The following ZC3H13 variants were observed in gnomAD, a reference collection of about 807,000 sequenced individuals.
ZC3H13 encodes the protein zinc finger CCCH-type containing 13.
A neutral mutation model predicts 204.1 loss-of-function variants in ZC3H13; 64 were observed. The ratio of observed to expected loss-of-function variants is 0.31; its 90% CI spans 0.26 to 0.39. ZC3H13 has a LOEUF of 0.39. ZC3H13 is among the 10% of genes least tolerant of loss of function. ZC3H13 has a pLI of 1.00. For missense variants in ZC3H13, 1,833 were observed against 2,082.7 expected (o/e 0.88, Z 2.33); for synonymous variants, 667 against 693.7 (o/e 0.96, Z 0.60).
chr13:46,015,606 T>C (rs2041864252), intron 5 of ZC3H13, among the ~76,000 whole-genome samples: 1 of 152,148 alleles, frequency 6.6e-6, no homozygotes, highest in African/African-American at 2.4e-5. Context: ...CTTTTTATGT[T>C]ACTTCATTGG....
rs183757734 is a variant in ZC3H13 at position 46,025,367 on chromosome 13, C to T, written c.340-4810G>A. Reference sequence around the variant, plus strand: ...TATGATCCAGGCTGAAGAGCAGTGACGCAATCATAGCTCACTGTAGTCTTG... The same window carrying T: ...TATGATCCAGGCTGAAGAGCAGTGATGCAATCATAGCTCACTGTAGTCTTG... On this transcript the variant is annotated intron_variant, in intron 4 of 18. Coordinates refer to ENST00000679008, the MANE Select transcript of ZC3H13 (RefSeq NM_001330564.2). 1.2e-3 allele frequency among the ~76,000 whole-genome samples: 183 copies of T among 152,246 alleles called. 1 individual carries two copies. Among genetic ancestry groups the T allele is most frequent in the African/African-American group, 4.0e-3 (168 of 41,546 alleles).
rs1253742403 is a variant in ZC3H13 at position 45,997,242 on chromosome 13, T to C, written c.944+5897A>G. On this transcript the variant is annotated intron_variant, in intron 8 of 18. Coordinates refer to ENST00000679008, the MANE Select transcript of ZC3H13 (RefSeq NM_001330564.2). ...ATTATTCAATTAAAAATTAACCACA[T>C]GATAGAATTTCGTATTAAACTTACA... Among the ~76,000 whole-genome samples, 5 of 152,184 alleles carry C rather than the reference T, an allele frequency of 3.3e-5. No individual in the cohort carries two copies. In the South Asian group the frequency reaches 8.3e-4, roughly 25 times the overall value.
chr13:46,007,164 A>G (rs906209871), intron 7 of ZC3H13, among the ~76,000 whole-genome samples: 1 of 152,058 alleles, frequency 6.6e-6, no homozygotes, highest in East Asian at 1.9e-4. Context: ...GGGTTTACCA[A>G]ACTTTTCTTC....
chr13:46,049,661 A>C (rs2044261181), intron 1 of ZC3H13, among the ~76,000 whole-genome samples: 1 of 152,224 alleles, frequency 6.6e-6, no homozygotes, highest in South Asian at 2.1e-4. Flanking sequence ...TGACAATTAG[A>C]ATTTTCAATC....
chr13:45,964,845 T>C (rs963530108), intron 16 of ZC3H13, among the ~76,000 whole-genome samples: 1 of 152,048 alleles, frequency 6.6e-6, no homozygotes, highest in Non-Finnish European at 1.5e-5. Context: ...ATTTAGAAAA[T>C]TGATAGAGGT....
intron 1 of ZC3H13, among the ~76,000 whole-genome samples, chr13:46,050,206 G>A (rs1449227290): frequency 6.6e-6 from 1 of 151,824 alleles, no homozygotes; most frequent in East Asian, 1.9e-4. Context: ...GTCTTAAATG[G>A]GAACTGCTCC....
intron 7 of ZC3H13, among the ~76,000 whole-genome samples, chr13:46,004,895 GCA>G (rs1278580576): frequency 6.6e-6 from 1 of 151,924 alleles, no homozygotes; most frequent in Non-Finnish European, 1.5e-5. Context: ...CCTCTTTTTG[GCA>G]ATTTAAGTAA....
intron 4 of ZC3H13, among the ~76,000 whole-genome samples, chr13:46,034,408 A>C (rs1286277671): frequency 6.6e-6 from 1 of 152,218 alleles, no homozygotes; most frequent in Non-Finnish European, 1.5e-5. Flanking sequence ...GAGAATGGCT[A>C]AACAAATTTT....
Position 45,975,756 on chromosome 13 carries a change from T to C in ZC3H13, c.1995A>G (p.Val665=). ...CATCTCTCCTATCATCCACTCTGTC[T>C]ACTCTTCGTTCCTCTCTTCTTTCAT... ...ERDERREERR[V]DRVDDRRDER... The change falls in exon 12 of 19, where the codon GTA becomes GTG. Residue 665 remains valine, a synonymous_variant. Transcript: ENST00000679008. The C allele has an allele frequency of 6.2e-7, 1 of 1,614,024 alleles. No individual in the cohort carries two copies. The highest frequency in any genetic ancestry group is 8.5e-7 in the Non-Finnish European group (1 of 1,179,954).
chr13:46,041,550 T>G (rs1336090423), intron 4 of ZC3H13, among the ~76,000 whole-genome samples: 4 of 152,198 alleles, frequency 2.6e-5, no homozygotes, highest in African/African-American at 9.6e-5. Context: ...TTTTAATGAG[T>G]GAACTGTATG....
At position 45,955,647 on chromosome 13, in the gene ZC3H13, G is replaced by A. The variant is rs1009784639; in HGVS notation, c.*1480C>T. 1.3e-5 allele frequency: 2 copies of A among 152,010 alleles called. No individual in the cohort carries two copies. Among genetic ancestry groups the A allele is most frequent in the Non-Finnish European group, 2.9e-5 (2 of 67,962 alleles). 9.4% of individuals were successfully genotyped at this position (152,010 alleles called of 1,614,324 possible). A position where few individuals can be genotyped will look rare whatever the true frequency, so the allele number is the denominator to read the frequency against. On this transcript the variant is annotated 3_prime_UTR_variant, in exon 19 of 19. Transcript: ENST00000679008. ...TAAAATCAGGAAGTGGCTTCCTGAA[G>A]GGTATTCATTCTCTGAGGTCATACA...
rs923454204 is a variant in ZC3H13 at position 45,963,739 on chromosome 13, T to C, written c.4675+103A>G. Reference sequence around the variant, plus strand: ...TAAAATGATTTCTCAAAAAATAGTTTCTACACAGTGTTAAGTGCTACATAA... The same window carrying C: ...TAAAATGATTTCTCAAAAAATAGTTCCTACACAGTGTTAAGTGCTACATAA... On this transcript the variant is annotated intron_variant, in intron 17 of 18. Transcript: ENST00000679008. The C allele has an allele frequency of 1.1e-5, 17 of 1,519,916 alleles. No individual in the cohort carries two copies. In the East Asian group the frequency reaches 3.7e-4, roughly 33 times the overall value. The allele number at this position is 1,519,916 out of a possible 1,614,324, so 94.2% of individuals were successfully genotyped here.
At chr13:46,021,323 TATTAC>T (rs1402503294) in intron 4 of ZC3H13, among the ~76,000 whole-genome samples, 2 of 151,992 alleles carry the variant, frequency 1.3e-5, no homozygotes, top group African/African-American at 2.4e-5. Flanking sequence ...TTAAATGTCC[TATTAC>T]ATAAGAACTC....
chr13:46,033,874 T>A (rs1343257402), intron 4 of ZC3H13, among the ~76,000 whole-genome samples: 2 of 151,414 alleles, frequency 1.3e-5, no homozygotes, highest in South Asian at 2.1e-4. Flanking sequence ...CAAAAAAAAA[T>A]AAAAAGGCAG....
At chr13:46,044,157 A>G (rs1446877121) in intron 3 of ZC3H13, among the ~76,000 whole-genome samples, 2 of 151,788 alleles carry the variant, frequency 1.3e-5, no homozygotes, top group East Asian at 1.9e-4. Context: ...ACTACCCCCA[A>G]AAAAATCATT....
intron 4 of ZC3H13, among the ~76,000 whole-genome samples, chr13:46,022,224 G>T (rs186793352): frequency 6.6e-6 from 1 of 151,698 alleles, no homozygotes; most frequent in Non-Finnish European, 1.5e-5. Context: ...TACTCCCAGA[G>T]ATCATATATA....
At chr13:46,051,591 T>C (rs187170113) in intron 1 of ZC3H13, among the ~76,000 whole-genome samples, 14 of 152,336 alleles carry the variant, frequency 9.2e-5, no homozygotes, top group Admixed American at 6.5e-4. Flanking sequence ...CATAAGTATT[T>C]ATTCTCCAAC....
At chr13:46,020,627 G>A (rs1372664598) in intron 4 of ZC3H13, 70 bp from the exon 5 acceptor site, 9 of 1,005,160 alleles carry the variant, frequency 9.0e-6, no homozygotes, top group Non-Finnish European at 1.3e-5. Context: ...ATTGTAATAA[G>A]AGAACATTTT....
At chr13:46,046,946 T>A (rs887568548) in intron 1 of ZC3H13, among the ~76,000 whole-genome samples, 2 of 152,190 alleles carry the variant, frequency 1.3e-5, no homozygotes, top group Non-Finnish European at 2.9e-5. Flanking sequence ...TTATACAAAC[T>A]AAATATTAGT....
Sources: allele counts gnomAD v4.1 joint callset (sites outside exome capture counted in the v4.1 genomes callset), GRCh38; gene constraint gnomAD v4.1.1; transcripts MANE v1.5; gene names NCBI Gene and HGNC (gene_info 2026-07-23, HGNC 2026-07-21).